The following CBLN2 variants were observed in gnomAD, a reference collection of about 807,000 sequenced individuals.
The protein encoded by CBLN2 is cerebellin 2 precursor, also known as cerebellin-2.
Under a neutral mutation model 15.0 loss-of-function variants are expected in CBLN2, and 7 were observed. That is an observed-to-expected ratio of 0.47 (90% CI 0.27 to 0.88). CBLN2 has a LOEUF of 0.88. CBLN2 is among the 40% of genes least tolerant of loss of function. The probability of loss-of-function intolerance (pLI) is 0.14; values close to 1 mark genes in which losing one functional copy is unlikely to be tolerated. For synonymous variants in CBLN2, 149 were observed against 135.2 expected (o/e 1.10, Z -0.71); for missense variants, 242 against 304.5 (o/e 0.79, Z 1.53).
intron 1 of CBLN2, among the ~76,000 whole-genome samples, chr18:72,554,531 A>T (rs1407905369): frequency 2.0e-5 from 3 of 152,118 alleles, no homozygotes; most frequent in African/African-American, 7.2e-5. Context: ...ATCATTCCAC[A>T]GTATATACAC....
chr18:72,590,034 G>A lies in CBLN2; in HGVS notation c.15+48291C>T, dbSNP rs149161489. ...TGTAATCCCAGCACTTTGGGAGGCC[G>A]AGGCGGGCAGATCACGAGGTCAGGA... On this transcript the variant is annotated intron_variant, in intron 1 of 2. Coordinates refer to the CBLN2 transcript ENST00000581073. Among the ~76,000 whole-genome samples the A allele has an allele frequency of 8.9e-3, 1,349 of 152,280 alleles. 21 individuals carry two copies. The highest frequency in any genetic ancestry group is 0.03 in the African/African-American group (1,253 of 41,560).
At position 72,541,993 on chromosome 18, in the gene CBLN2, C is replaced by T. The variant is rs1282252599; in HGVS notation, c.168G>A (p.Glu56=). The change falls in exon 3 of 5, where the codon GAG becomes GAA. Residue 56 remains glutamate (E), a synonymous_variant. Transcript: ENST00000269503. ...CCPVRAQNDT[E]PIVLEGKCLV... ...GGCACTTGCCCTCCAGCACGATGGG[C>T]TCCGTGTCGTTCTGCGCCCGCACGG... 4.4e-6 allele frequency: 7 copies of T among 1,604,130 alleles called. No individual in the cohort carries two copies. The highest frequency in any genetic ancestry group is 1.9e-4 in the Middle Eastern group (1 of 5,398).
chr18:72,541,995 C>T lies in CBLN2; in HGVS notation c.166G>A (p.Glu56Lys). Residue 56 changes from glutamate to lysine, a missense_variant, in exon 3 of 5, where the codon GAG becomes AAG. Glu to Lys is a moderately conservative substitution (Grantham distance 56). This residue lies in a region of CBLN2 where 96 missense variants were observed against 83.8 expected (regional missense o/e 1.15). Transcript: ENST00000269503. ...CCPVRAQNDT[E>K]PIVLEGKCLV... ...CACTTGCCCTCCAGCACGATGGGCT[C>T]CGTGTCGTTCTGCGCCCGCACGGGG... The T allele has an allele frequency of 6.2e-7, 1 of 1,603,450 alleles. No homozygotes were observed. Among genetic ancestry groups the T allele is most frequent in the Non-Finnish European group, 8.5e-7 (1 of 1,179,098 alleles).
chr18:72,603,412 G>A (rs2069562148), intron 1 of CBLN2, among the ~76,000 whole-genome samples: 1 of 152,154 alleles, frequency 6.6e-6, no homozygotes. Context: ...GATTCAGAGT[G>A]TAGATTACTA....
intron 1 of CBLN2, among the ~76,000 whole-genome samples, chr18:72,627,016 C>T (rs778642071): frequency 8.5e-5 from 13 of 152,126 alleles, no homozygotes; most frequent in African/African-American, 2.4e-4. Context: ...TCCCACTCAA[C>T]GTTATTTTTG....
At chr18:72,546,673 TG>T (rs1040249409), upstream of CBLN2, among the ~76,000 whole-genome samples, 15 of 152,160 alleles carry the variant, frequency 9.9e-5, no homozygotes, top group Admixed American at 9.2e-4. Flanking sequence ...GGAACACCTG[TG>T]GTGTGTGAGA....
At chr18:72,631,899 C>T (rs2069779277) in intron 1 of CBLN2, among the ~76,000 whole-genome samples, 1 of 152,152 alleles carries the variant, frequency 6.6e-6, no homozygotes, top group Non-Finnish European at 1.5e-5. Context: ...ATGTAATTTA[C>T]AGGAAATTTA....
intron 1 of CBLN2, among the ~76,000 whole-genome samples, chr18:72,577,008 A>T (rs1451649503): frequency 1.9e-5 from 2 of 102,698 alleles, no homozygotes; most frequent in African/African-American, 7.0e-5. Context: ...GTGATAATTT[A>T]TATATATAAT....
At chr18:72,540,495 T>G (rs1483650103) in intron 3 of CBLN2, among the ~76,000 whole-genome samples, 1 of 152,190 alleles carries the variant, frequency 6.6e-6, no homozygotes, top group African/African-American at 2.4e-5. Flanking sequence ...ATGAAAACTT[T>G]GCAAGACATT....
intron 1 of CBLN2, among the ~76,000 whole-genome samples, chr18:72,578,505 G>A (rs2195806): frequency 0.53 from 81,245 of 152,122 alleles, 26,296 homozygotes; most frequent in Non-Finnish European, 0.73. Context: ...AACCGCTGGT[G>A]AAGATCATCA....
chr18:72,627,610 C>A (rs1008852598), intron 1 of CBLN2, among the ~76,000 whole-genome samples: 1 of 152,046 alleles, frequency 6.6e-6, no homozygotes, highest in Non-Finnish European at 1.5e-5. Context: ...GCCATGAGGC[C>A]GAGGGGCAGA....
intron 1 of CBLN2, among the ~76,000 whole-genome samples, chr18:72,567,317 T>TA (rs76112834): frequency 1.9e-3 from 282 of 152,102 alleles, no homozygotes; most frequent in Middle Eastern, 3.4e-3. Context: ...GAATTCTTTT[T>TA]AAAAAAAATC....
At chr18:72,583,798 A>G (rs2144921505) in intron 1 of CBLN2, among the ~76,000 whole-genome samples, 1 of 152,328 alleles carries the variant, frequency 6.6e-6, no homozygotes, top group Non-Finnish European at 1.5e-5. Flanking sequence ...TGTTAGAATC[A>G]TGGCCTGGCC....
intron 1 of CBLN2, among the ~76,000 whole-genome samples, chr18:72,634,997 C>T (rs186707736): frequency 6.6e-6 from 1 of 152,174 alleles, no homozygotes; most frequent in Admixed American, 6.5e-5. Context: ...TCTTCCATGG[C>T]TTATATTTGT....
intron 1 of CBLN2, among the ~76,000 whole-genome samples, chr18:72,611,973 C>A (rs1435344170): frequency 6.6e-6 from 1 of 152,098 alleles, no homozygotes; most frequent in Non-Finnish European, 1.5e-5. Flanking sequence ...GCCAGTTATT[C>A]CTGCACTATT....
intron 1 of CBLN2, among the ~76,000 whole-genome samples, chr18:72,582,784 T>C (rs1163220072): frequency 2.0e-5 from 3 of 152,180 alleles, no homozygotes; most frequent in Non-Finnish European, 4.4e-5. Context: ...ATGCTCAGAT[T>C]AAACCCCAGT....
chr18:72,549,831 C>T (rs2069180867), intron 1 of CBLN2, among the ~76,000 whole-genome samples: 1 of 152,102 alleles, frequency 6.6e-6, no homozygotes, highest in Non-Finnish European at 1.5e-5. Flanking sequence ...CTGTAATTGT[C>T]ATGGATGGAG....
At chr18:72,567,591 G>C (rs1157795093) in intron 1 of CBLN2, among the ~76,000 whole-genome samples, 1 of 152,168 alleles carries the variant, frequency 6.6e-6, no homozygotes, top group Admixed American at 6.5e-5. Context: ...GGGTTACATA[G>C]ACAAGTCAAT....
intron 1 of CBLN2, among the ~76,000 whole-genome samples, chr18:72,568,139 T>C (rs1256390531): frequency 1.3e-5 from 2 of 152,184 alleles, no homozygotes; most frequent in Non-Finnish European, 2.9e-5. Flanking sequence ...GTTTGACCTG[T>C]TGTGTATAAC....
Sources: allele counts gnomAD v4.1 joint callset (sites outside exome capture counted in the v4.1 genomes callset), GRCh38; gene constraint gnomAD v4.1.1; regional missense constraint gnomAD v4.1.1; transcripts MANE v1.5; gene names NCBI Gene and HGNC (gene_info 2026-07-23, HGNC 2026-07-21).